The following IRAK2 variants were observed in gnomAD, a reference collection of about 807,000 sequenced individuals.
IRAK2 encodes interleukin 1 receptor associated kinase 2, also known as interleukin-1 receptor-associated kinase-like 2.
A neutral mutation model predicts 72.0 loss-of-function variants in IRAK2; 57 were observed. The observed-to-expected ratio is 0.79, with a 90% confidence interval of 0.64 to 0.99. The LOEUF is 0.99. IRAK2 is among the 50% of genes least tolerant of loss of function. The pLI, the probability that IRAK2 is intolerant of heterozygous loss-of-function variation, is 0.00. For missense variants in IRAK2, 790 were observed against 794.4 expected, an observed-to-expected ratio of 0.99 and a Z score of 0.07; for synonymous variants, 293 against 312.7, an observed-to-expected ratio of 0.94 and a Z score of 0.67.
chr3:10,170,802 T>C (rs1479018107), intron 1 of IRAK2, among the ~76,000 whole-genome samples: 5 of 152,224 alleles, frequency 3.3e-5, no homozygotes, highest in Non-Finnish European at 1.5e-5. Flanking sequence ...GTCAGCCCAC[T>C]TCCTACACTG....
chr3:10,198,055 C>G (rs1264587944), intron 2 of IRAK2, among the ~76,000 whole-genome samples: 1 of 151,560 alleles, frequency 6.6e-6, no homozygotes, highest in Non-Finnish European at 1.5e-5. Flanking sequence ...AAAAATTAGC[C>G]GGGCGTGCTG....
chr3:10,182,853 C>T (rs534327437), intron 2 of IRAK2, among the ~76,000 whole-genome samples: 55 of 152,054 alleles, frequency 3.6e-4, no homozygotes, highest in Admixed American at 1.0e-3. Flanking sequence ...TTACTGCAAC[C>T]TCTGCTTCTG....
Position 10,242,339 on chromosome 3 carries a change from A to C in IRAK2, c.*111A>C. ...TCTGCCAGGAAACACACAACAAAAC[A>C]TCTGCTGTCCTGGGTGGGAGGGAAA... On this transcript the variant is annotated 3_prime_UTR_variant, in exon 13 of 13. Coordinates refer to ENST00000256458, the MANE Select transcript of IRAK2 (RefSeq NM_001570.4). The C allele has an allele frequency of 8.3e-6, 5 of 599,304 alleles. No homozygotes were observed. Among genetic ancestry groups the C allele is most frequent in the East Asian group, 3.0e-5 (1 of 33,838 alleles). 37.1% of individuals were successfully genotyped at this position (599,304 alleles called of 1,614,324 possible).
At chr3:10,169,810 G>C (rs1489115817) in intron 1 of IRAK2, among the ~76,000 whole-genome samples, 1 of 152,182 alleles carries the variant, frequency 6.6e-6, no homozygotes, top group Non-Finnish European at 1.5e-5. Flanking sequence ...GGGATTAAGA[G>C]ATTAAAGACA....
intron 12 of IRAK2, among the ~76,000 whole-genome samples, chr3:10,240,894 A>C (rs1210650276): frequency 6.6e-6 from 1 of 151,804 alleles, no homozygotes; most frequent in East Asian, 2.0e-4. Flanking sequence ...CCTGTCCCTT[A>C]GTAAACATGG....
rs140865540 is a variant in IRAK2 at position 10,234,588 on chromosome 3, G to A, written c.1402G>A (p.Glu468Lys). 7.4e-6 allele frequency: 12 copies of A among 1,613,582 alleles called. No individual in the cohort carries two copies. The African/African-American group carries it at 1.6e-4, about 22-fold the overall frequency. Reference sequence around the variant, plus strand: ...GGAGAAGGGCGCAGGGAGGCTTCCGGAGGACTGCGCCGAGGCCCTGGCCAC... The same window carrying A: ...GGAGAAGGGCGCAGGGAGGCTTCCGAAGGACTGCGCCGAGGCCCTGGCCAC... ...YLEKGAGRLP[E>K]DCAEALATAA... Residue 468 changes from glutamate to lysine, a missense_variant, in exon 11 of 13, where the codon GAG becomes AAG. By Grantham distance (56) the Glu-to-Lys change is moderately conservative. Coordinates refer to ENST00000256458, the MANE Select transcript of IRAK2 (RefSeq NM_001570.4).
intron 1 of IRAK2, among the ~76,000 whole-genome samples, chr3:10,169,448 G>A (rs968994874): frequency 2.6e-5 from 4 of 152,098 alleles, no homozygotes; most frequent in Non-Finnish European, 4.4e-5. Flanking sequence ...CCCCGGGAAT[G>A]CGTTCCTTCC....
intron 1 of IRAK2, among the ~76,000 whole-genome samples, chr3:10,174,767 C>T (rs1456312936): frequency 3.3e-5 from 5 of 151,968 alleles, no homozygotes; most frequent in African/African-American, 1.2e-4. Context: ...TTAGGTGATC[C>T]GCCCACCTCA....
At chr3:10,188,491 G>A (rs1008429821) in intron 2 of IRAK2, among the ~76,000 whole-genome samples, 9 of 151,378 alleles carry the variant, frequency 5.9e-5, no homozygotes, top group Admixed American at 1.3e-4. Flanking sequence ...GCACTACCAC[G>A]CCTGGCTAAT....
intron 1 of IRAK2, among the ~76,000 whole-genome samples, chr3:10,167,952 T>C (rs937251678): frequency 6.6e-6 from 1 of 152,152 alleles, no homozygotes; most frequent in African/African-American, 2.4e-5. Context: ...TGTGCACTGC[T>C]GCACCCAGCT....
At chr3:10,237,319 G>C (rs1248802898) in intron 11 of IRAK2, among the ~76,000 whole-genome samples, 3 of 152,168 alleles carry the variant, frequency 2.0e-5, no homozygotes, top group Admixed American at 1.3e-4. Flanking sequence ...GATGGCCTTA[G>C]CTCTTAGTAC....
Position 10,217,047 on chromosome 3 carries a change from A to G in IRAK2, c.902A>G (p.Gln301Arg). 3.7e-6 allele frequency: 6 copies of G among 1,602,190 alleles called. No homozygotes were observed. Among genetic ancestry groups the G allele is most frequent in the Non-Finnish European group, 5.1e-6 (6 of 1,169,128 alleles). Residue 301 changes from glutamine (Q) to arginine (R), a missense_variant and splice_region_variant, in exon 7 of 13, where the codon CAG becomes CGG. Coordinates refer to ENST00000256458, the MANE Select transcript of IRAK2 (RefSeq NM_001570.4). Reference protein sequence around the residue: ...NGSLQDRLQGQGGSDPLPWPQ... With the variant: ...NGSLQDRLQGRGGSDPLPWPQ... ...TCCCTACAGGACAGACTGCAGGGTCAGGTAAGGGACTGGGTCATGGTCAGA... is the reference window on the plus strand; with the variant it reads ...TCCCTACAGGACAGACTGCAGGGTCGGGTAAGGGACTGGGTCATGGTCAGA...
intron 2 of IRAK2, among the ~76,000 whole-genome samples, chr3:10,194,113 G>T (rs1275150622): frequency 6.6e-6 from 1 of 152,216 alleles, no homozygotes; most frequent in Non-Finnish European, 1.5e-5. Context: ...TCATCATGGA[G>T]CCCTGGGACG....
Position 10,209,649 on chromosome 3 carries a change from C to G in IRAK2, c.485C>G (p.Pro162Arg). 2 of 1,569,752 alleles carry G rather than the reference C, an allele frequency of 1.3e-6. No individual in the cohort carries two copies. Among genetic ancestry groups the G allele is most frequent in the South Asian group, 1.2e-5 (1 of 84,982 alleles). The change falls in exon 4 of 13, where the codon CCT (proline) becomes CGT (arginine). Residue 162 changes from proline to arginine, a missense_variant. Transcript: ENST00000256458. Reference protein sequence around the residue: ...AFLQPPEEDAPHSLRSDLPTS... With the variant: ...AFLQPPEEDARHSLRSDLPTS... ...CTCCAGCCTCCTGAAGAAGATGCCC[C>G]TCATTCCTTGAGAAGCGACCTCCCC... is the stretch of plus-strand genomic sequence containing the variant.
intron 10 of IRAK2, among the ~76,000 whole-genome samples, chr3:10,227,273 C>A (rs1393920806): frequency 6.6e-6 from 1 of 151,966 alleles, no homozygotes; most frequent in African/African-American, 2.4e-5. Context: ...CATGGCGAAA[C>A]CCTGTCTCTA....
At chr3:10,196,315 A>T (rs1240107849) in intron 2 of IRAK2, among the ~76,000 whole-genome samples, 2 of 152,194 alleles carry the variant, frequency 1.3e-5, no homozygotes, top group Admixed American at 1.3e-4. Flanking sequence ...GGGTTTCGCC[A>T]TGTTGGCCAG....
chr3:10,209,655 C>T lies in IRAK2; in HGVS notation c.491C>T (p.Ser164Phe), dbSNP rs1248357715. The change falls in exon 4 of 13, where the codon TCC becomes TTC. Residue 164 changes from serine (S) to phenylalanine (F), a missense_variant. Transcript: ENST00000256458. ...CCTCCTGAAGAAGATGCCCCTCATT[C>T]CTTGAGAAGCGACCTCCCCACTTCG... ...LQPPEEDAPH[S>F]LRSDLPTSSD... 3.2e-6 allele frequency: 5 copies of T among 1,565,728 alleles called. No individual in the cohort carries two copies. In the South Asian group the frequency reaches 3.6e-5, roughly 11 times the overall value.
intron 2 of IRAK2, among the ~76,000 whole-genome samples, chr3:10,185,354 T>C (rs1697056901): frequency 6.7e-6 from 1 of 149,736 alleles, no homozygotes; most frequent in Admixed American, 6.6e-5. Flanking sequence ...GGTCGGGAGT[T>C]CGGGACCAGC....
In IRAK2 at chr3:10,214,865, C is replaced by T. The variant is rs138791540; in HGVS notation, c.788+1317C>T. Among the ~76,000 whole-genome samples the T allele has an allele frequency of 5.3e-3, 794 of 150,408 alleles. 9 individuals carry two copies. The highest frequency in any genetic ancestry group is 0.018 in the African/African-American group (735 of 40,860). On this transcript the variant is annotated intron_variant, in intron 6 of 12. Transcript: ENST00000256458. Reference sequence around the variant, plus strand: ...ATCCCAGCACTTTGGGAGGCTGAGGCGAGTGGATCACTTAAGTCCAGGAGT... The same window carrying T: ...ATCCCAGCACTTTGGGAGGCTGAGGTGAGTGGATCACTTAAGTCCAGGAGT...
Sources: gnomAD v4.1 joint callset for allele counts (sites outside exome capture counted in the v4.1 genomes callset) on GRCh38, gnomAD v4.1.1 for gene constraint, MANE v1.5 for transcripts, NCBI Gene and HGNC (gene_info 2026-07-23, HGNC 2026-07-21) for gene names.